Variants in DOCK7 observed in about 807,000 individuals in gnomAD.
DOCK7 encodes dedicator of cytokinesis protein 7.
DOCK7 carries 138 observed loss-of-function variants against 271.0 expected under a neutral mutation model. The observed-to-expected ratio is 0.51, with a 90% CI of 0.44 to 0.59. DOCK7 has a LOEUF of 0.59. Ranked by LOEUF, DOCK7 falls within the 20% of genes least tolerant of loss-of-function variation. The pLI is 0.00. For missense variants in DOCK7, 2,066 were observed against 2,592.4 expected, an observed-to-expected ratio of 0.80 and a Z score of 4.41; for synonymous variants, 823 against 876.1, an observed-to-expected ratio of 0.94 and a Z score of 1.07.
chr1:62,682,110 A>G (rs773826648), intron 1 of DOCK7, among the ~76,000 whole-genome samples: 2 of 152,190 alleles, frequency 1.3e-5, no homozygotes, highest in Non-Finnish European at 2.9e-5. Flanking sequence ...GTGGAGGTAC[A>G]GTGAAAACAC....
At chr1:62,557,819 T>C (rs1241746247) in intron 20 of DOCK7, among the ~76,000 whole-genome samples, 1 of 151,948 alleles carries the variant, frequency 6.6e-6, no homozygotes, top group Non-Finnish European at 1.5e-5. Flanking sequence ...ATAATTTCTG[T>C]AACTGTACAC....
chr1:62,555,950 A>G lies in DOCK7; in HGVS notation c.2471T>C (p.Ile824Thr), dbSNP rs35400360. 3,534 of 1,613,854 alleles carry G rather than the reference A, an allele frequency of 2.2e-3. 74 individuals carry two copies. In the African/African-American group the frequency reaches 0.041, roughly 19 times the overall value. The change falls in exon 21 of 50, where the codon ATT becomes ACT. Residue 824 changes from isoleucine (I) to threonine (T), a missense_variant. Ile to Thr is a moderately conservative substitution (Grantham distance 89, BLOSUM62 -1). Around this residue, in one of 2 missense-constraint regions of DOCK7, gnomAD observed 1,414 missense variants for 1,670.4 expected, o/e 0.85. Coordinates refer to ENST00000635253, the MANE Select transcript of DOCK7 (RefSeq NM_001367561.1). Reference protein sequence around the residue: ...GQASFEAMASIINRLHKNLEG... With the variant: ...GQASFEAMASTINRLHKNLEG... ...CAAGTTTTTGTGAAGTCGATTTATA[A>G]TTGATGCCATGGCTTCAAAAGATGC...
chr1:62,523,293 T>C (rs988265351), intron 31 of DOCK7, among the ~76,000 whole-genome samples: 1 of 152,150 alleles, frequency 6.6e-6, no homozygotes, highest in African/African-American at 2.4e-5. Flanking sequence ...CAGGCAGTAT[T>C]TCAGAGATGT....
intron 19 of DOCK7, 105 bp downstream of exon 19, chr1:62,561,512 G>T: frequency 1.9e-6 from 1 of 533,712 alleles, no homozygotes; most frequent in Non-Finnish European, 3.1e-6. Flanking sequence ...AAATCTGACA[G>T]CAATGACAGA....
At chr1:62,633,657 A>G in intron 9 of DOCK7, 79 bp from the exon 10 acceptor site, 2 of 933,638 alleles carry the variant, frequency 2.1e-6, no homozygotes, top group Non-Finnish European at 3.4e-6. Context: ...GAAAATCAAT[A>G]TAACACATTA....
chr1:62,569,071 A>C (rs1646672362), intron 18 of DOCK7, among the ~76,000 whole-genome samples: 1 of 152,104 alleles, frequency 6.6e-6, no homozygotes, highest in South Asian at 2.1e-4. Context: ...TAGACCAATA[A>C]CAAGTTCTGA....
intron 7 of DOCK7, among the ~76,000 whole-genome samples, chr1:62,644,419 T>G (rs1656386802): frequency 6.6e-6 from 1 of 152,242 alleles, no homozygotes; most frequent in South Asian, 2.1e-4. Flanking sequence ...GTGTTAGGCA[T>G]TTATGCAGGA....
At chr1:62,488,893 T>G in intron 42 of DOCK7, 41 bp downstream of exon 42, 1 of 1,612,116 alleles carries the variant, frequency 6.2e-7, no homozygotes, top group Non-Finnish European at 8.5e-7. Context: ...TTTCAGACAG[T>G]TTTTTCCCTT....
chr1:62,506,205 T>C (rs919576719), intron 35 of DOCK7, among the ~76,000 whole-genome samples: 4 of 152,136 alleles, frequency 2.6e-5, no homozygotes, highest in African/African-American at 9.7e-5. Flanking sequence ...AAATAACCAT[T>C]CTTTTCTTCT....
intron 22 of DOCK7, among the ~76,000 whole-genome samples, chr1:62,550,680 G>A (rs1246724125): frequency 6.6e-6 from 1 of 151,782 alleles, no homozygotes; most frequent in African/African-American, 2.4e-5. Flanking sequence ...CAAGGTTTGG[G>A]AAAGATAAGG....
intron 14 of DOCK7, among the ~76,000 whole-genome samples, chr1:62,594,902 A>G (rs1475519913): frequency 2.0e-5 from 3 of 152,180 alleles, no homozygotes; most frequent in Non-Finnish European, 2.9e-5. Context: ...ACAAAAGCTG[A>G]CAGCTTAATT....
At chr1:62,532,639 T>C (rs568930991) in intron 29 of DOCK7, among the ~76,000 whole-genome samples, 2 of 152,332 alleles carry the variant, frequency 1.3e-5, no homozygotes, top group Admixed American at 6.5e-5. Context: ...CTGGCCAATA[T>C]GGCTGTAATT....
intron 18 of DOCK7, among the ~76,000 whole-genome samples, chr1:62,575,700 T>C (rs1158229042): frequency 6.6e-6 from 1 of 152,142 alleles, no homozygotes; most frequent in Non-Finnish European, 1.5e-5. Context: ...ACAAAAGTTT[T>C]GGCTCTTAAT....
intron 14 of DOCK7, among the ~76,000 whole-genome samples, chr1:62,618,139 G>A (rs967258669): frequency 3.3e-5 from 5 of 152,062 alleles, no homozygotes; most frequent in Non-Finnish European, 2.9e-5. Flanking sequence ...AGGAGTACAT[G>A]CAAATGGCAC....
At chr1:62,472,801 A>G (rs1645867307) in intron 48 of DOCK7, among the ~76,000 whole-genome samples, 1 of 152,232 alleles carries the variant, frequency 6.6e-6, no homozygotes, top group Admixed American at 6.5e-5. Flanking sequence ...CTGAGAGTCT[A>G]GAATTTTGGT....
At chr1:62,667,033 C>G (rs546206548) in intron 1 of DOCK7, among the ~76,000 whole-genome samples, 1 of 152,240 alleles carries the variant, frequency 6.6e-6, no homozygotes, top group East Asian at 1.9e-4. Context: ...AAAAGACCCA[C>G]ATTCCGAGAG....
chr1:62,589,452 A>C (rs930088814), intron 14 of DOCK7, among the ~76,000 whole-genome samples: 8 of 152,140 alleles, frequency 5.3e-5, no homozygotes, highest in African/African-American at 1.9e-4. Context: ...CTGTTATGAC[A>C]AGACGTTCCA....
At chr1:62,638,515 A>G (rs777939334) in intron 7 of DOCK7, 60 of 148,284 alleles carry the variant, frequency 4.0e-4, no homozygotes, top group African/African-American at 8.1e-4. Context: ...TCCTATTTTC[A>G]TATCTATATA....
chr1:62,538,768 A>C (rs1645431221), intron 27 of DOCK7, among the ~76,000 whole-genome samples: 1 of 152,246 alleles, frequency 6.6e-6, no homozygotes, highest in Admixed American at 6.5e-5. Context: ...CTGGACTATT[A>C]GTTCCCTAAA....
Sources: gnomAD v4.1 joint callset for allele counts (sites outside exome capture counted in the v4.1 genomes callset) on GRCh38, gnomAD v4.1.1 for gene constraint, gnomAD v4.1.1 regional missense constraint, MANE v1.5 for transcripts, NCBI Gene and HGNC (gene_info 2026-07-23, HGNC 2026-07-21) for gene names.